The following NAALADL2 variants were observed in gnomAD, a reference collection of about 807,000 sequenced individuals.
NAALADL2 encodes inactive N-acetylated-alpha-linked acidic dipeptidase-like protein 2.
In NAALADL2, 76 loss-of-function variants were observed where a neutral mutation model predicts 87.2. The ratio of observed to expected loss-of-function variants is 0.87; its 90% CI spans 0.72 to 1.05. The LOEUF (loss-of-function observed/expected upper bound fraction) is 1.05, where lower values mean the gene tolerates loss of function less well. NAALADL2 is among the 50% of genes least tolerant of loss of function. NAALADL2 has a pLI of 0.00. For missense variants in NAALADL2, 1,089 were observed against 945.8 expected, an observed-to-expected ratio of 1.15 and a Z score of -1.99; for synonymous variants, 354 against 331.0, an observed-to-expected ratio of 1.07 and a Z score of -0.75.
chr3:174,520,840 G>C (rs73172552), intron 1 of NAALADL2, among the ~76,000 whole-genome samples: 2,256 of 152,042 alleles, frequency 0.015, 37 homozygotes, highest in Non-Finnish European at 0.021. Context: ...GAATCTACAA[G>C]GAACTCAACA....
At chr3:175,775,361 T>C (rs754602256) in intron 13 of NAALADL2, among the ~76,000 whole-genome samples, 2 of 152,082 alleles carry the variant, frequency 1.3e-5, no homozygotes, top group Non-Finnish European at 2.9e-5. Context: ...TTGAATAATA[T>C]TATTTTCAGA....
chr3:175,665,292 T>C (rs981043855), intron 11 of NAALADL2, among the ~76,000 whole-genome samples: 15 of 152,240 alleles, frequency 9.9e-5, no homozygotes, highest in Non-Finnish European at 1.0e-4. Context: ...CAGGTTAGCC[T>C]GAAAATGAGT....
At chr3:175,032,297 G>T (rs1309498857) in intron 1 of NAALADL2, among the ~76,000 whole-genome samples, 1 of 151,914 alleles carries the variant, frequency 6.6e-6, no homozygotes, top group Non-Finnish European at 1.5e-5. Context: ...ATAAATCTGT[G>T]TAATTGCTTA....
chr3:174,934,000 T>C (rs1272029089), intron 1 of NAALADL2, among the ~76,000 whole-genome samples: 1 of 152,204 alleles, frequency 6.6e-6, no homozygotes, highest in Non-Finnish European at 1.5e-5. Flanking sequence ...CTAAAAATTA[T>C]GATAAATATA....
At chr3:174,825,278 G>C (rs1721856362) in intron 3 of NAALADL2, among the ~76,000 whole-genome samples, 1 of 151,862 alleles carries the variant, frequency 6.6e-6, no homozygotes. Flanking sequence ...AGGAGACATA[G>C]AGTAATTCCC....
At chr3:175,314,690 A>ATAGTTCTAAC (rs1553857548) in intron 4 of NAALADL2, among the ~76,000 whole-genome samples, 3 of 51,458 alleles carry the variant, frequency 5.8e-5, no homozygotes, top group African/African-American at 1.6e-4. Flanking sequence ...ATATATATAT[A>ATAGTTCTAAC]TATATATATA....
chr3:174,453,637 A>G (rs77532830), intron 1 of NAALADL2, among the ~76,000 whole-genome samples: 2,187 of 152,286 alleles, frequency 0.014, 50 homozygotes, highest in African/African-American at 0.05. Flanking sequence ...AAATTCCAAC[A>G]AAGAATTTCA....
At chr3:175,679,619 T>A (rs1212250236) in intron 11 of NAALADL2, among the ~76,000 whole-genome samples, 1 of 152,202 alleles carries the variant, frequency 6.6e-6, no homozygotes. Context: ...TAGGGTTTAA[T>A]TCTATAGTTC....
chr3:174,965,957 A>G (rs537019935), intron 1 of NAALADL2, among the ~76,000 whole-genome samples: 165 of 152,238 alleles, frequency 1.1e-3, no homozygotes, highest in Non-Finnish European at 1.8e-3. Context: ...AGAGTAGGAC[A>G]ATGAATTTGC....
chr3:175,006,556 G>A (rs1343503196), intron 1 of NAALADL2, among the ~76,000 whole-genome samples: 1 of 151,798 alleles, frequency 6.6e-6, no homozygotes, highest in Admixed American at 6.6e-5. Flanking sequence ...TGCAGTTATA[G>A]CTGGTGCAAG....
At chr3:175,798,969 A>G (rs1753815354) in intron 13 of NAALADL2, among the ~76,000 whole-genome samples, 1 of 152,074 alleles carries the variant, frequency 6.6e-6, no homozygotes, top group South Asian at 2.1e-4. Context: ...AGTCATTATA[A>G]CAGTCTAAGA....
intron 11 of NAALADL2, among the ~76,000 whole-genome samples, chr3:175,653,625 T>C (rs1366644048): frequency 4.6e-5 from 7 of 152,222 alleles, no homozygotes; most frequent in African/African-American, 1.7e-4. Flanking sequence ...TTTCCTTGAT[T>C]GGCTCTGTCA....
intron 2 of NAALADL2, among the ~76,000 whole-genome samples, chr3:175,165,510 T>TA (rs1361497135): frequency 6.6e-6 from 1 of 152,014 alleles, no homozygotes; most frequent in African/African-American, 2.4e-5. Flanking sequence ...ATCATGGACT[T>TA]ACACTTACAT....
intron 1 of NAALADL2, among the ~76,000 whole-genome samples, chr3:175,069,547 C>A (rs1476879791): frequency 6.7e-6 from 1 of 150,160 alleles, no homozygotes; most frequent in Non-Finnish European, 1.5e-5. Context: ...AATAGGAACA[C>A]TTTTACAGTG....
intron 11 of NAALADL2, among the ~76,000 whole-genome samples, chr3:175,725,127 C>G (rs1178272405): frequency 6.6e-6 from 1 of 151,992 alleles, no homozygotes; most frequent in African/African-American, 2.4e-5. Context: ...AATACAATTT[C>G]TAAGAGAATT....
At chr3:174,977,648 C>T (rs1744540040) in intron 1 of NAALADL2, among the ~76,000 whole-genome samples, 1 of 152,022 alleles carries the variant, frequency 6.6e-6, no homozygotes, top group African/African-American at 2.4e-5. Flanking sequence ...TGTTACCTGC[C>T]CCAGCTTTCT....
At position 175,227,696 on chromosome 3, in the gene NAALADL2, A is replaced by T. The variant is rs571730393; in HGVS notation, c.546-6235A>T. ...TTGACATTCTCAATAAAATCTATTT[A>T]TTTTAACATTCTAAATGATTTGAAA... On this transcript the variant is annotated intron_variant, in intron 2 of 13. Transcript: ENST00000454872. Among the ~76,000 whole-genome samples, 30 of 152,090 alleles carry T rather than the reference A, an allele frequency of 2.0e-4. 1 individual carries two copies. The East Asian group carries it at 4.1e-3, about 21-fold the overall frequency.
At chr3:175,615,309 A>G (rs948418376) in intron 10 of NAALADL2, among the ~76,000 whole-genome samples, 17 of 152,290 alleles carry the variant, frequency 1.1e-4, no homozygotes, top group African/African-American at 3.4e-4. Flanking sequence ...TCACCCTTGT[A>G]AGCCTCTTTC....
chr3:174,823,333 A>T (rs890462342), intron 3 of NAALADL2, among the ~76,000 whole-genome samples: 4 of 152,064 alleles, frequency 2.6e-5, no homozygotes, highest in African/African-American at 9.7e-5. Flanking sequence ...CCTAATTAAA[A>T]TGTTCCATAT....
Sources: allele counts gnomAD v4.1 joint callset (sites outside exome capture counted in the v4.1 genomes callset), GRCh38; gene constraint gnomAD v4.1.1; transcripts MANE v1.5; gene names NCBI Gene and HGNC (gene_info 2026-07-23, HGNC 2026-07-21).